UBE2H: variants seen among roughly 807,000 people sequenced by gnomAD.
UBE2H encodes ubiquitin-conjugating enzyme E2 H.
In UBE2H, 3 loss-of-function variants were observed where a neutral mutation model predicts 29.0. The observed-to-expected ratio is 0.10, with a 90% CI of 0.05 to 0.27. UBE2H has a LOEUF of 0.27. Among genes scored for constraint, UBE2H ranks in the 10% least tolerant of loss-of-function variants. The pLI is 1.00. For synonymous variants in UBE2H, 69 were observed against 82.9 expected, an observed-to-expected ratio of 0.83 and a Z score of 0.91; for missense variants, 68 against 228.2, an observed-to-expected ratio of 0.30 and a Z score of 4.52.
chr7:129,879,257 C>T (rs1806207948), intron 3 of UBE2H, among the ~76,000 whole-genome samples: 2 of 152,172 alleles, frequency 1.3e-5, no homozygotes, highest in Non-Finnish European at 2.9e-5. Flanking sequence ...CAAAATTAGA[C>T]TTAAGATATG....
intron 1 of UBE2H, among the ~76,000 whole-genome samples, chr7:129,940,486 G>A (rs538954479): frequency 1.3e-5 from 2 of 152,306 alleles, no homozygotes; most frequent in African/African-American, 4.8e-5. Context: ...TCCAGAGAAT[G>A]GCAAAGTCCA....
intron 5 of UBE2H, among the ~76,000 whole-genome samples, chr7:129,846,038 G>A (rs900444203): frequency 6.6e-6 from 1 of 152,128 alleles, no homozygotes; most frequent in Non-Finnish European, 1.5e-5. Context: ...TGAAAAAAAT[G>A]TACCAATTCT....
At chr7:129,860,288 T>G (rs1249362399) in intron 3 of UBE2H, among the ~76,000 whole-genome samples, 1 of 152,224 alleles carries the variant, frequency 6.6e-6, no homozygotes, top group African/African-American at 2.4e-5. Flanking sequence ...CATAATGTTC[T>G]ATCTACTACA....
At chr7:129,899,103 C>T (rs1052925958) in intron 1 of UBE2H, among the ~76,000 whole-genome samples, 8 of 152,020 alleles carry the variant, frequency 5.3e-5, no homozygotes, top group Non-Finnish European at 1.0e-4. Context: ...TTTACCTATC[C>T]GTAATTTCAT....
intron 1 of UBE2H, among the ~76,000 whole-genome samples, chr7:129,921,385 C>T (rs1324285493): frequency 2.6e-5 from 4 of 152,026 alleles, no homozygotes; most frequent in African/African-American, 9.7e-5. Flanking sequence ...GCTACAAAAG[C>T]AAATTTAAAC....
At chr7:129,865,294 GT>G (rs1374153266) in intron 3 of UBE2H, among the ~76,000 whole-genome samples, 3 of 152,126 alleles carry the variant, frequency 2.0e-5, no homozygotes, top group African/African-American at 7.2e-5. Context: ...CAGCCTCTGT[GT>G]CCAGTCCCAG....
chr7:129,944,763 CGCGCAT>C (rs1452703657), intron 1 of UBE2H, among the ~76,000 whole-genome samples: 1 of 151,730 alleles, frequency 6.6e-6, no homozygotes, highest in Non-Finnish European at 1.5e-5. Context: ...CACGCACGCA[CGCGCAT>C]GCGCAAACCC....
At chr7:129,844,603 TGTAGA>T (rs1805480988) in intron 5 of UBE2H, among the ~76,000 whole-genome samples, 2 of 152,170 alleles carry the variant, frequency 1.3e-5, no homozygotes, top group Admixed American at 1.3e-4. Context: ...GACCTAAACC[TGTAGA>T]GTACAGTCAG....
At chr7:129,892,569 A>G (rs1390274251) in intron 1 of UBE2H, among the ~76,000 whole-genome samples, 1 of 152,162 alleles carries the variant, frequency 6.6e-6, no homozygotes, top group Non-Finnish European at 1.5e-5. Flanking sequence ...CCCTTTCTTG[A>G]TGCTGGGTCA....
intron 5 of UBE2H, chr7:129,857,246 T>C (rs1002643990): frequency 1.4e-4 from 63 of 452,248 alleles, no homozygotes; most frequent in South Asian, 5.6e-4. Context: ...TTCATGTGTG[T>C]GCGCATGTAC....
intron 1 of UBE2H, among the ~76,000 whole-genome samples, chr7:129,886,593 G>A (rs1806363823): frequency 6.6e-6 from 1 of 151,994 alleles, no homozygotes; most frequent in Non-Finnish European, 1.5e-5. Flanking sequence ...CCTGAGCTGT[G>A]TGGAAGGGAA....
chr7:129,928,476 A>T (rs576310825), intron 1 of UBE2H, among the ~76,000 whole-genome samples: 1 of 152,058 alleles, frequency 6.6e-6, no homozygotes, highest in African/African-American at 2.4e-5. Context: ...GGTGGCACAC[A>T]CCTGTAATCC....
At chr7:129,920,325 A>C (rs1004139258) in intron 1 of UBE2H, among the ~76,000 whole-genome samples, 2 of 152,200 alleles carry the variant, frequency 1.3e-5, no homozygotes, top group African/African-American at 4.8e-5. Flanking sequence ...CTTGAAAAAC[A>C]CTATCCCAGA....
chr7:129,862,811 G>A (rs762363908), intron 3 of UBE2H, among the ~76,000 whole-genome samples: 4 of 151,954 alleles, frequency 2.6e-5, no homozygotes, highest in Non-Finnish European at 5.9e-5. Context: ...CAAGGGAGAT[G>A]GGGGGGCCAC....
chr7:129,881,053 T>G (rs1270796466), intron 1 of UBE2H, 82 bp from the exon 2 acceptor site: 6 of 1,253,714 alleles, frequency 4.8e-6, no homozygotes, highest in Non-Finnish European at 6.6e-6. Flanking sequence ...ATATGCCACT[T>G]AAAGTGTTAC....
chr7:129,931,826 T>A (rs562031244), intron 1 of UBE2H, among the ~76,000 whole-genome samples: 1 of 151,536 alleles, frequency 6.6e-6, no homozygotes, highest in East Asian at 2.0e-4. Flanking sequence ...AAATCCACTG[T>A]TCTACTTTGC....
intron 1 of UBE2H, among the ~76,000 whole-genome samples, chr7:129,924,616 T>TCACACACACACACACACACACA (rs147228151): frequency 3.5e-5 from 5 of 143,924 alleles, no homozygotes; most frequent in Non-Finnish European, 7.7e-5. Context: ...CCTTTTACAT[T>TCACACACACACACACACACACA]CACACACACA....
At position 129,897,061 on chromosome 7, in the gene UBE2H, C is replaced by G. The variant is rs577469974; in HGVS notation, c.54-16090G>C. ...ATATGCCATCATCCCCTTCCTCTTA[C>G]ATTACATTCAGCGCACCCCAAAGTC... On this transcript the variant is annotated intron_variant, in intron 1 of 6. Transcript: ENST00000355621. Among the ~76,000 whole-genome samples the G allele has an allele frequency of 2.0e-5, 3 of 152,268 alleles. No homozygotes were observed. The South Asian group carries it at 6.2e-4, about 32-fold the overall frequency.
chr7:129,848,974 C>G (rs141994542), intron 5 of UBE2H, among the ~76,000 whole-genome samples: 29 of 151,860 alleles, frequency 1.9e-4, no homozygotes, highest in African/African-American at 5.8e-4. Flanking sequence ...AGATCTTTAC[C>G]TTCTACTCCT....
Sources: allele counts gnomAD v4.1 joint callset (sites outside exome capture counted in the v4.1 genomes callset), GRCh38; gene constraint gnomAD v4.1.1; transcripts MANE v1.5; gene names NCBI Gene and HGNC (gene_info 2026-07-23, HGNC 2026-07-21).